The following SKIC3 variants were observed in gnomAD, a reference collection of about 807,000 sequenced individuals.
The protein encoded by SKIC3 is superkiller complex protein 3.
At chr5:95,466,207 A>G in the SKIC3 span, among the ~76,000 whole-genome samples, 1 of 152,246 alleles carries the variant, frequency 6.6e-6, no homozygotes, top group East Asian at 1.9e-4. Flanking sequence ...AATTTTGGAT[A>G]CATATATATT....
At chr5:95,491,223 A>T in the SKIC3 span, among the ~76,000 whole-genome samples, 1 of 152,180 alleles carries the variant, frequency 6.6e-6, no homozygotes, top group East Asian at 1.9e-4. Context: ...ATCTTTCCAG[A>T]TTTGCCAATT....
the SKIC3 span, among the ~76,000 whole-genome samples, chr5:95,511,415 AAAAT>A: frequency 2.0e-5 from 3 of 152,202 alleles, no homozygotes; most frequent in South Asian, 2.1e-4. Context: ...TCCGTCTCAA[AAAAT>A]AAATAAATAA....
the SKIC3 span, among the ~76,000 whole-genome samples, chr5:95,472,847 G>C: frequency 3.9e-5 from 6 of 152,160 alleles, no homozygotes; most frequent in African/African-American, 1.2e-4. Context: ...TTACAAGTGA[G>C]AACATGCGTA....
chr5:95,467,181 T>C, the SKIC3 span, among the ~76,000 whole-genome samples: 41 of 152,150 alleles, frequency 2.7e-4, no homozygotes, highest in African/African-American at 9.4e-4. Flanking sequence ...GGTTCAAAGA[T>C]AAAGTCCTGC....
At chr5:95,547,476 A>G in the SKIC3 span, among the ~76,000 whole-genome samples, 1 of 152,030 alleles carries the variant, frequency 6.6e-6, no homozygotes, top group African/African-American at 2.4e-5. Flanking sequence ...TTAATATACT[A>G]TATATTCTAC....
chr5:95,510,254 C>T, the SKIC3 span, among the ~76,000 whole-genome samples: 1 of 152,212 alleles, frequency 6.6e-6, no homozygotes, highest in African/African-American at 2.4e-5. Context: ...CTCCATCTTG[C>T]TTCTAACCTC....
the SKIC3 span, among the ~76,000 whole-genome samples, chr5:95,477,353 C>CAA: frequency 2.0e-5 from 3 of 147,714 alleles, no homozygotes; most frequent in African/African-American, 7.5e-5. Flanking sequence ...GGCACCAAAG[C>CAA]AAAAAAAAAG....
At chr5:95,471,535 T>A in the SKIC3 span, among the ~76,000 whole-genome samples, 1 of 140,530 alleles carries the variant, frequency 7.1e-6, no homozygotes, top group South Asian at 2.2e-4. Flanking sequence ...TCAATTAGAA[T>A]GTCCTCTTTT....
the SKIC3 span, chr5:95,516,232 A>G: frequency 2.2e-6 from 2 of 914,028 alleles, no homozygotes; most frequent in Non-Finnish European, 3.5e-6. Context: ...CATACTGGAG[A>G]GCATACTGGC....
the SKIC3 span, chr5:95,529,435 A>C: frequency 2.7e-6 from 1 of 375,036 alleles, no homozygotes; most frequent in Non-Finnish European, 5.1e-6. Flanking sequence ...CTGATTCCCC[A>C]CTGTTGTCAG....
the SKIC3 span, chr5:95,464,769 C>A: frequency 9.1e-7 from 1 of 1,093,334 alleles, no homozygotes; most frequent in Non-Finnish European, 1.4e-6. Context: ...AATCCAAGGG[C>A]GGCAGTCTTG....
the SKIC3 span, among the ~76,000 whole-genome samples, chr5:95,528,648 A>G: frequency 6.6e-6 from 1 of 152,108 alleles, no homozygotes; most frequent in Non-Finnish European, 1.5e-5. Flanking sequence ...AGGCTCCAAG[A>G]TGCCTAAGGT....
chr5:95,525,944 A>G, the SKIC3 span, among the ~76,000 whole-genome samples: 1,212 of 152,122 alleles, frequency 8.0e-3, 17 homozygotes, highest in African/African-American at 0.027. Flanking sequence ...ACAAGCAATC[A>G]TTTTTTTCAT....
At chr5:95,507,727 T>C in the SKIC3 span, among the ~76,000 whole-genome samples, 5 of 152,198 alleles carry the variant, frequency 3.3e-5, no homozygotes, top group African/African-American at 7.2e-5. Flanking sequence ...GACAGTATTA[T>C]AGAGATGAAA....
At chr5:95,520,906 T>A in the SKIC3 span, 1 of 963,942 alleles carries the variant, frequency 1.0e-6, no homozygotes, top group Non-Finnish European at 1.6e-6. Context: ...GGTGTTATTT[T>A]AAAGCACTTT....
chr5:95,518,001 C>G, the SKIC3 span, among the ~76,000 whole-genome samples: 2 of 151,968 alleles, frequency 1.3e-5, no homozygotes, highest in African/African-American at 4.8e-5. Context: ...TGACCCTCAC[C>G]AAGATGCCAG....
At chr5:95,488,797 C>T in the SKIC3 span, among the ~76,000 whole-genome samples, 2 of 151,358 alleles carry the variant, frequency 1.3e-5, no homozygotes, top group Non-Finnish European at 2.9e-5. Context: ...GGTACCACTA[C>T]AGAAAAGCAC....
chr5:95,543,390 A>C, the SKIC3 span: 4 of 1,561,612 alleles, frequency 2.6e-6, no homozygotes, highest in Non-Finnish European at 3.5e-6. Flanking sequence ...ACTAACAATA[A>C]CAGAAAGTCT....
the SKIC3 span, among the ~76,000 whole-genome samples, chr5:95,469,376 T>G: frequency 3.9e-5 from 6 of 152,200 alleles, no homozygotes; most frequent in African/African-American, 1.4e-4. Context: ...TATTACTTTT[T>G]TCATAGCTTA....
Sources: allele counts gnomAD v4.1 joint callset (sites outside exome capture counted in the v4.1 genomes callset), GRCh38; gene constraint gnomAD v4.1.1; transcripts MANE v1.5; gene names NCBI Gene and HGNC (gene_info 2026-07-23, HGNC 2026-07-21).